Variants in SHOC2 observed in about 807,000 individuals in gnomAD.
SHOC2 encodes the protein leucine-rich repeat protein SHOC-2.
In SHOC2, 4 loss-of-function variants were observed where a neutral mutation model predicts 50.2. The observed-to-expected ratio is 0.08, with a 90% CI of 0.04 to 0.18. The LOEUF (loss-of-function observed/expected upper bound fraction) is 0.18. Ranked by LOEUF, SHOC2 falls within the 10% of genes least tolerant of loss-of-function variation. The pLI, the probability that SHOC2 is intolerant of heterozygous loss-of-function variation, is 1.00. For synonymous variants in SHOC2, 218 were observed against 244.5 expected (o/e 0.89, Z 1.01); for missense variants, 388 against 669.6 (o/e 0.58, Z 4.64).
intron 1 of SHOC2, among the ~76,000 whole-genome samples, chr10:110,950,849 A>G (rs1486778457): frequency 1.3e-5 from 2 of 152,218 alleles, no homozygotes; most frequent in Non-Finnish European, 2.9e-5. Flanking sequence ...CCTGTACTAT[A>G]TATAAAAACA....
At chr10:110,992,745 T>C (rs1443723921) in intron 3 of SHOC2, among the ~76,000 whole-genome samples, 1 of 152,192 alleles carries the variant, frequency 6.6e-6, no homozygotes, top group Non-Finnish European at 1.5e-5. Flanking sequence ...TATAACAACT[T>C]TACTAGTTTT....
chr10:110,970,188 C>T (rs1847752414), intron 2 of SHOC2, among the ~76,000 whole-genome samples: 1 of 152,180 alleles, frequency 6.6e-6, no homozygotes, highest in Non-Finnish European at 1.5e-5. Flanking sequence ...AACCTCTCCC[C>T]ATCCCGCTGC....
intron 1 of SHOC2, among the ~76,000 whole-genome samples, chr10:110,950,689 C>G (rs1429044252): frequency 1.3e-5 from 2 of 152,044 alleles, no homozygotes; most frequent in Non-Finnish European, 2.9e-5. Context: ...ACCAGCAGAA[C>G]AGAACAGAAA....
intron 1 of SHOC2, among the ~76,000 whole-genome samples, chr10:110,956,220 C>G (rs896114865): frequency 2.0e-5 from 3 of 151,464 alleles, no homozygotes; most frequent in African/African-American, 7.3e-5. Flanking sequence ...GAGTTTCGCT[C>G]TTGTCACCCA....
chr10:110,945,072 G>A (rs186592778), intron 1 of SHOC2, among the ~76,000 whole-genome samples: 1 of 152,192 alleles, frequency 6.6e-6, no homozygotes, highest in Non-Finnish European at 1.5e-5. Context: ...TCTGTTACGG[G>A]TATTTCATTC....
At chr10:110,972,523 A>G (rs1233347481) in intron 2 of SHOC2, among the ~76,000 whole-genome samples, 1 of 152,200 alleles carries the variant, frequency 6.6e-6, no homozygotes, top group Non-Finnish European at 1.5e-5. Context: ...GGAAATTGTG[A>G]TTTTCACTAA....
chr10:110,983,134 A>T (rs943615771), intron 2 of SHOC2, among the ~76,000 whole-genome samples: 12 of 152,084 alleles, frequency 7.9e-5, no homozygotes, highest in African/African-American at 2.9e-4. Context: ...TTTTTGTAAT[A>T]TGTCCTTTTT....
In SHOC2 at chr10:110,988,976, G is replaced by C. The variant is rs751876782; in HGVS notation, c.841+3211G>C. On this transcript the variant is annotated intron_variant, in intron 3 of 8. Coordinates refer to ENST00000369452, the MANE Select transcript of SHOC2 (RefSeq NM_007373.4). Reference sequence around the variant, plus strand: ...GCGGTTTTTGCTATTACTTTTAAAGGCAAAAACTGAGACTACTTTTGCACC... The same window carrying C: ...GCGGTTTTTGCTATTACTTTTAAAGCCAAAAACTGAGACTACTTTTGCACC... 12 of 518,084 alleles carry C rather than the reference G, an allele frequency of 2.3e-5. 1 individual carries two copies. The highest frequency in any genetic ancestry group is 1.6e-4 in the South Asian group (11 of 70,212). The allele number at this position is 518,084 out of a possible 1,614,324, so 32.1% of individuals were successfully genotyped here.
intron 1 of SHOC2, among the ~76,000 whole-genome samples, chr10:110,930,951 C>T (rs1055873271): frequency 4.0e-5 from 6 of 151,730 alleles, no homozygotes; most frequent in Admixed American, 6.6e-5. Flanking sequence ...AGCTGTAATC[C>T]CAATTATGGT....
At chr10:110,931,757 T>G (rs1470213397) in intron 1 of SHOC2, among the ~76,000 whole-genome samples, 14 of 152,090 alleles carry the variant, frequency 9.2e-5, no homozygotes, top group Admixed American at 9.2e-4. Flanking sequence ...ATTTATAGAG[T>G]AAAAATTGCT....
At chr10:110,998,557 G>A (rs979658597) in intron 3 of SHOC2, among the ~76,000 whole-genome samples, 10 of 152,032 alleles carry the variant, frequency 6.6e-5, no homozygotes, top group Admixed American at 1.3e-4. Flanking sequence ...ACTTTGTGCC[G>A]GTTGGAATCT....
At chr10:110,977,496 C>G (rs1349726904) in intron 2 of SHOC2, among the ~76,000 whole-genome samples, 1 of 152,190 alleles carries the variant, frequency 6.6e-6, no homozygotes, top group African/African-American at 2.4e-5. Context: ...CCGCCCGCCT[C>G]AGCCTCCCAA....
chr10:110,928,464 T>A (rs1846820976), intron 1 of SHOC2, among the ~76,000 whole-genome samples: 1 of 152,236 alleles, frequency 6.6e-6, no homozygotes, highest in African/African-American at 2.4e-5. Context: ...TGATAAAACA[T>A]ACTTTTACTA....
rs730881016 is a variant in SHOC2, at chr10:111,004,593, A to AT, written c.973-5dup. On this transcript the variant is annotated splice_polypyrimidine_tract_variant and intron_variant, in intron 4 of 8. Transcript: ENST00000369452. Reference sequence around the variant, plus strand: ...CAGTTCTAATTCTTATGTTTATTTCATTTTTTTTACAGAGTCTTTTATCAA... The same window carrying AT: ...CAGTTCTAATTCTTATGTTTATTTCATTTTTTTTTACAGAGTCTTTTATCAA... 1.5e-4 allele frequency: 233 copies of AT among 1,578,872 alleles called. No individual in the cohort carries two copies. Among genetic ancestry groups the AT allele is most frequent in the Non-Finnish European group, 1.8e-4 (204 of 1,148,346 alleles).
Position 111,012,537 on chromosome 10 carries a change from T to C in SHOC2, c.*719T>C, listed in dbSNP as rs1427259549. ...AAGCAAAATACCTGAAGTGAGTCTT[T>C]GGGTAGGGGAAGGGTATTGAGACCT... On this transcript the variant is annotated 3_prime_UTR_variant, in exon 9 of 9. Transcript: ENST00000369452. 7 of 152,180 alleles carry C rather than the reference T, an allele frequency of 4.6e-5. No homozygotes were observed. Among genetic ancestry groups the C allele is most frequent in the Non-Finnish European group, 1.0e-4 (7 of 68,032 alleles). 9.4% of individuals were successfully genotyped at this position (152,180 alleles called of 1,614,324 possible).
intron 1 of SHOC2, among the ~76,000 whole-genome samples, chr10:110,960,836 C>T (rs767526104): frequency 4.6e-5 from 7 of 151,974 alleles, no homozygotes; most frequent in East Asian, 1.9e-4. Flanking sequence ...CCACCACGCC[C>T]GGCTAATTTT....
At chr10:110,974,490 C>G (rs1322024677) in intron 2 of SHOC2, among the ~76,000 whole-genome samples, 1 of 152,060 alleles carries the variant, frequency 6.6e-6, no homozygotes, top group Non-Finnish European at 1.5e-5. Context: ...ATACCTTTTT[C>G]TATCTTTTTA....
chr10:110,950,883 A>G (rs890055305), intron 1 of SHOC2, among the ~76,000 whole-genome samples: 74 of 152,230 alleles, frequency 4.9e-4, no homozygotes, highest in African/African-American at 1.7e-3. Context: ...ACCATGTACA[A>G]AAATCAACTC....
Position 111,004,603 on chromosome 10 carries a change from C to T in SHOC2, c.973-3C>T. The T allele has an allele frequency of 6.2e-7, 1 of 1,600,924 alleles. No homozygotes were observed. The highest frequency in any genetic ancestry group is 8.6e-7 in the Non-Finnish European group (1 of 1,168,040). Reference sequence around the variant, plus strand: ...TCTTATGTTTATTTCATTTTTTTTACAGAGTCTTTTATCAAGTCTTGTGAA... The same window carrying T: ...TCTTATGTTTATTTCATTTTTTTTATAGAGTCTTTTATCAAGTCTTGTGAA... On this transcript the variant is annotated splice_region_variant and splice_polypyrimidine_tract_variant and intron_variant, in intron 4 of 8. Coordinates refer to ENST00000369452, the MANE Select transcript of SHOC2 (RefSeq NM_007373.4).
Sources: gnomAD v4.1 joint callset for allele counts (sites outside exome capture counted in the v4.1 genomes callset) on GRCh38, gnomAD v4.1.1 for gene constraint, MANE v1.5 for transcripts, NCBI Gene and HGNC (gene_info 2026-07-23, HGNC 2026-07-21) for gene names.